The following WDFY3 variants were observed in gnomAD, a reference collection of about 807,000 sequenced individuals.
WDFY3 encodes WD repeat and FYVE domain containing 3.
A neutral mutation model predicts 409.6 loss-of-function variants in WDFY3; 66 were observed. That is an observed-to-expected ratio of 0.16 (90% CI 0.13 to 0.20). WDFY3 has a LOEUF of 0.20. Among genes scored for constraint, WDFY3 ranks in the 10% least tolerant of loss-of-function variants. The pLI is 1.00. For missense variants in WDFY3, 3,031 were observed against 4,298.1 expected, an observed-to-expected ratio of 0.71 and a Z score of 8.24; for synonymous variants, 1,521 against 1,537.1, an observed-to-expected ratio of 0.99 and a Z score of 0.25.
intron 62 of WDFY3, among the ~76,000 whole-genome samples, chr4:84,686,589 G>A (rs996056798): frequency 2.0e-5 from 3 of 152,128 alleles, no homozygotes; most frequent in African/African-American, 7.2e-5. Context: ...TGTAGGTGAT[G>A]GTGTGAATGT....
intron 44 of WDFY3, 114 bp from the exon 45 acceptor site, chr4:84,727,025 C>A: frequency 2.3e-6 from 2 of 868,050 alleles, no homozygotes; most frequent in Non-Finnish European, 1.8e-6. Context: ...GTTACTCAAA[C>A]AAAATTAACA....
intron 4 of WDFY3, among the ~76,000 whole-genome samples, chr4:84,858,415 A>C (rs1291591339): frequency 1.3e-5 from 2 of 152,180 alleles, no homozygotes; most frequent in Non-Finnish European, 2.9e-5. Flanking sequence ...TGAACATGAG[A>C]CATACTAAAA....
chr4:84,797,726 G>A (rs1459171980), intron 18 of WDFY3, among the ~76,000 whole-genome samples: 1 of 151,804 alleles, frequency 6.6e-6, no homozygotes, highest in Non-Finnish European at 1.5e-5. Context: ...GACTACAGGC[G>A]CCTGCCACTG....
chr4:84,755,125 T>C (rs1025220487), intron 34 of WDFY3, 141 bp downstream of exon 34: 5 of 1,220,246 alleles, frequency 4.1e-6, no homozygotes, highest in Non-Finnish European at 5.7e-6. Flanking sequence ...TAGATATAAT[T>C]TTGTCTAACA....
chr4:84,873,033 T>C (rs1298012689), intron 3 of WDFY3, among the ~76,000 whole-genome samples: 1 of 152,068 alleles, frequency 6.6e-6, no homozygotes, highest in Admixed American at 6.5e-5. Context: ...TAAAAATATG[T>C]AGGGCAAAAA....
Position 84,720,288 on chromosome 4 carries a change from G to A in WDFY3, c.7605+1121C>T, listed in dbSNP as rs567271995. ...AGAGGAAGGGTATGCAACCAAGCCT[G>A]AGTAGCAAAAGAGTCAAAAAAAGCT... On this transcript the variant is annotated intron_variant, in intron 47 of 67. Transcript: ENST00000295888. Among the ~76,000 whole-genome samples, 141 of 152,312 alleles carry A rather than the reference G, an allele frequency of 9.3e-4. 3 individuals carry two copies. In the South Asian group the frequency reaches 0.028, roughly 30 times the overall value.
intron 67 of WDFY3, 90 bp downstream of exon 67, chr4:84,677,109 C>G: frequency 6.7e-7 from 1 of 1,498,994 alleles, no homozygotes; most frequent in Non-Finnish European, 9.1e-7. Flanking sequence ...AGTGGGGACG[C>G]CAGGGCAAAT....
intron 15 of WDFY3, among the ~76,000 whole-genome samples, chr4:84,805,041 C>T (rs762568620): frequency 6.6e-6 from 1 of 152,162 alleles, no homozygotes; most frequent in Non-Finnish European, 1.5e-5. Context: ...GAAAATTTCA[C>T]ATCTGACCTT....
At chr4:84,916,454 T>C (rs1217666394) in intron 2 of WDFY3, among the ~76,000 whole-genome samples, 1 of 152,206 alleles carries the variant, frequency 6.6e-6, no homozygotes, top group Non-Finnish European at 1.5e-5. Flanking sequence ...CTGATTTTCC[T>C]TCCTGCCTCT....
intron 3 of WDFY3, among the ~76,000 whole-genome samples, chr4:84,868,978 G>C (rs1322750400): frequency 2.0e-5 from 3 of 152,182 alleles, no homozygotes; most frequent in Non-Finnish European, 4.4e-5. Flanking sequence ...AAGGATTCTT[G>C]TAACGCAATA....
chr4:84,783,193 A>C (rs1746874445), intron 24 of WDFY3, 119 bp from the exon 25 acceptor site: 2 of 934,620 alleles, frequency 2.1e-6, no homozygotes, highest in Non-Finnish European at 3.3e-6. Context: ...TTATCAGAAT[A>C]CTGAAAAACG....
rs1748202085 is a variant in WDFY3 at position 84,789,883 on chromosome 4, G to A, written c.3512C>T (p.Ser1171Leu). 2.5e-6 allele frequency: 4 copies of A among 1,614,058 alleles called. No homozygotes were observed. The highest frequency in any genetic ancestry group is 3.4e-6 in the Non-Finnish European group (4 of 1,180,010). Residue 1171 changes from serine to leucine, a missense_variant, in exon 22 of 68, where the codon TCA becomes TTA. This residue lies in a region of WDFY3 where 1,322 missense variants were observed against 1,697.9 expected (regional missense o/e 0.78). Coordinates refer to ENST00000295888, the MANE Select transcript of WDFY3 (RefSeq NM_014991.6). Reference sequence around the variant, plus strand: ...ACAGCATGGGAGAATTTCATAAAATGAGGACTCTTCACTAAAATCATCAAC... The same window carrying A: ...ACAGCATGGGAGAATTTCATAAAATAAGGACTCTTCACTAAAATCATCAAC... ...NYVDDFSEES[S>L]FYEILPCCAR...
chr4:84,914,506 C>T (rs1417154104), intron 2 of WDFY3, among the ~76,000 whole-genome samples: 3 of 152,206 alleles, frequency 2.0e-5, no homozygotes, highest in East Asian at 1.9e-4. Flanking sequence ...CATAAATTTT[C>T]GACTGGAGGG....
intron 47 of WDFY3, among the ~76,000 whole-genome samples, chr4:84,719,692 CAT>C (rs1231725210): frequency 6.6e-6 from 1 of 152,090 alleles, no homozygotes; most frequent in African/African-American, 2.4e-5. Context: ...TAAACACATA[CAT>C]ATACACACAC....
chr4:84,965,641 G>A, intron 1 of WDFY3: 1 of 152,254 alleles, frequency 6.6e-6, no homozygotes, highest in Admixed American at 6.5e-5. Context: ...GAGCATCTCT[G>A]GCTCCTTCCA....
chr4:84,797,938 A>G lies in WDFY3; in HGVS notation c.2935+58T>C, dbSNP rs1749795312. 1.7e-5 allele frequency: 24 copies of G among 1,390,234 alleles called. 1 individual carries two copies. In the South Asian group the frequency reaches 3.0e-4, roughly 17 times the overall value. 86.1% of individuals were successfully genotyped at this position (1,390,234 alleles called of 1,614,324 possible). A position where few individuals can be genotyped will look rare whatever the true frequency, so the allele number is the denominator to read the frequency against. On this transcript the variant is annotated intron_variant, in intron 18 of 67. Transcript: ENST00000295888. ...TCACAAACTTCTTGAAATAATATTC[A>G]TCCCCTACATGATTTTCATTCATAA...
At chr4:84,679,660 T>C (rs866180446) in intron 64 of WDFY3, among the ~76,000 whole-genome samples, 5 of 152,252 alleles carry the variant, frequency 3.3e-5, no homozygotes, top group Non-Finnish European at 4.4e-5. Flanking sequence ...TGGGTTCCGA[T>C]GTCACCTAGC....
chr4:84,894,179 A>G (rs111696612), intron 3 of WDFY3, among the ~76,000 whole-genome samples: 79 of 152,346 alleles, frequency 5.2e-4, no homozygotes, highest in African/African-American at 1.9e-3. Flanking sequence ...AGAGAGAATA[A>G]GCAAAATATC....
intron 40 of WDFY3, among the ~76,000 whole-genome samples, chr4:84,738,470 T>C (rs1053979819): frequency 6.6e-6 from 1 of 151,952 alleles, no homozygotes; most frequent in African/African-American, 2.4e-5. Flanking sequence ...GGCGTGGTGA[T>C]GTGCACCTGT....
Sources: gnomAD v4.1 joint callset for allele counts (sites outside exome capture counted in the v4.1 genomes callset) on GRCh38, gnomAD v4.1.1 for gene constraint, gnomAD v4.1.1 regional missense constraint, MANE v1.5 for transcripts, NCBI Gene and HGNC (gene_info 2026-07-23, HGNC 2026-07-21) for gene names.